Variants in CHRM2 observed in about 807,000 individuals in gnomAD.
CHRM2 encodes muscarinic acetylcholine receptor M2.
A neutral mutation model predicts 25.0 loss-of-function variants in CHRM2; 8 were observed. The ratio of observed to expected loss-of-function variants is 0.32; its 90% CI spans 0.19 to 0.58. The LOEUF (loss-of-function observed/expected upper bound fraction) is 0.58. CHRM2 is among the 20% of genes least tolerant of loss of function. CHRM2 has a pLI of 0.88. For missense variants in CHRM2, 440 were observed against 567.1 expected (o/e 0.78, Z 2.28); for synonymous variants, 202 against 205.7 (o/e 0.98, Z 0.15).
intron 3 of CHRM2, among the ~76,000 whole-genome samples, chr7:136,994,521 C>CTTTTTTTTTTTTTTTTTTTTTTT (rs757243972): frequency 5.6e-5 from 4 of 71,416 alleles, no homozygotes; most frequent in African/African-American, 1.1e-4. Context: ...TTTTTCTTTT[C>CTTTTTTTTTTTTTTTTTTTTTTT]TTTTTTTTTT....
At chr7:137,001,283 C>T (rs1804018097) in intron 3 of CHRM2, among the ~76,000 whole-genome samples, 1 of 152,070 alleles carries the variant, frequency 6.6e-6, no homozygotes, top group South Asian at 2.1e-4. Flanking sequence ...GCTTTATGCA[C>T]AGTCATTTGT....
rs1186581408 is a variant in CHRM2, at chr7:137,016,930, G to T, written c.*664G>T. 1 of 166,688 alleles carries T rather than the reference G, an allele frequency of 6.0e-6. No individual in the cohort carries two copies. The highest frequency in any genetic ancestry group is 2.1e-4 in the South Asian group (1 of 4,830). The allele number at this position is 166,688 out of a possible 1,614,324, so 10.3% of individuals were successfully genotyped here. On this transcript the variant is annotated 3_prime_UTR_variant, in exon 4 of 4. Transcript: ENST00000680005. Reference sequence around the variant, plus strand: ...TTTCTTCTTGTTATGCCACTATTTTGTACATCCCTGTTCTATATTGTTTAT... The same window carrying T: ...TTTCTTCTTGTTATGCCACTATTTTTTACATCCCTGTTCTATATTGTTTAT...
At chr7:136,988,188 C>T (rs1270690218) in intron 2 of CHRM2, among the ~76,000 whole-genome samples, 2 of 151,162 alleles carry the variant, frequency 1.3e-5, no homozygotes, top group Non-Finnish European at 2.9e-5. Flanking sequence ...AGATACAGAT[C>T]ATAATTAGTC....
rs1268920919 is a variant in CHRM2 at position 137,016,167 on chromosome 7, T to C, written c.1302T>C (p.Thr434=). The C allele has an allele frequency of 6.2e-7, 1 of 1,612,984 alleles. No individual in the cohort carries two copies. The change falls in exon 4 of 4, where the codon ACT becomes ACC. Residue 434 remains threonine, a synonymous_variant. Coordinates refer to ENST00000680005, the MANE Select transcript of CHRM2 (RefSeq NM_001006630.2). Reference sequence around the variant, plus strand: ...ACTGGCTTTGTTACATCAACAGCACTATCAACCCTGCCTGCTATGCACTTT... The same window carrying C: ...ACTGGCTTTGTTACATCAACAGCACCATCAACCCTGCCTGCTATGCACTTT... ...IGYWLCYINS[T]INPACYALCN... is the part of the protein sequence containing the mutation.
rs548755334 is a variant in CHRM2, at chr7:136,979,535, A to G, written c.-124-12652A>G. Among the ~76,000 whole-genome samples the G allele has an allele frequency of 2.0e-5, 3 of 152,244 alleles. No individual in the cohort carries two copies. In the South Asian group the frequency reaches 6.2e-4, roughly 32 times the overall value. On this transcript the variant is annotated intron_variant, in intron 2 of 3. Transcript: ENST00000680005. ...AGCCTTTCCCCAGGCCTATATCCGTAATGGTATTGCCTAGGTTTTCTTCTA... is the reference window on the plus strand; with the variant it reads ...AGCCTTTCCCCAGGCCTATATCCGTGATGGTATTGCCTAGGTTTTCTTCTA...
At chr7:136,871,731 G>A (rs955593345) in intron 2 of CHRM2, 2 of 152,204 alleles carry the variant, frequency 1.3e-5, no homozygotes, top group Admixed American at 1.3e-4. Flanking sequence ...AAGAACAATT[G>A]ACTTGGCCAA....
intron 2 of CHRM2, among the ~76,000 whole-genome samples, chr7:136,991,295 C>T (rs550367601): frequency 1.2e-3 from 184 of 152,152 alleles, no homozygotes; most frequent in African/African-American, 3.8e-3. Context: ...CCACTTTGAG[C>T]TAATTTTTGT....
chr7:136,945,938 A>C (rs1800048249), intron 2 of CHRM2, among the ~76,000 whole-genome samples: 2 of 152,138 alleles, frequency 1.3e-5, no homozygotes, highest in African/African-American at 4.8e-5. Flanking sequence ...TTAGTGGAGA[A>C]GCAAATTCTA....
At chr7:136,972,643 T>C (rs112327079) in intron 2 of CHRM2, among the ~76,000 whole-genome samples, 3,956 of 152,314 alleles carry the variant, frequency 0.026, 188 homozygotes, top group African/African-American at 0.091. Context: ...TTGTGACCAA[T>C]GTCTGCATTG....
chr7:136,950,664 G>C (rs933379280), intron 2 of CHRM2, among the ~76,000 whole-genome samples: 2 of 152,084 alleles, frequency 1.3e-5, no homozygotes, highest in African/African-American at 4.8e-5. Context: ...AACAAAAAAA[G>C]AAAAAGAAAA....
intron 2 of CHRM2, among the ~76,000 whole-genome samples, chr7:136,946,307 ATTAT>A (rs1462044587): frequency 1.3e-5 from 2 of 152,168 alleles, no homozygotes; most frequent in African/African-American, 4.8e-5. Context: ...ATTATATTAA[ATTAT>A]TTGTGTATTA....
chr7:136,897,456 C>T (rs1796966111), intron 2 of CHRM2, among the ~76,000 whole-genome samples: 1 of 152,012 alleles, frequency 6.6e-6, no homozygotes, highest in African/African-American at 2.4e-5. Context: ...CATGCTGTAT[C>T]CTTTTGGAAG....
At chr7:136,894,364 C>G (rs1389863524) in intron 2 of CHRM2, among the ~76,000 whole-genome samples, 2 of 152,016 alleles carry the variant, frequency 1.3e-5, no homozygotes, top group Non-Finnish European at 1.5e-5. Context: ...TTCTAGAATG[C>G]TAGATCTATT....
At chr7:136,890,171 T>C (rs1272796626) in intron 2 of CHRM2, among the ~76,000 whole-genome samples, 1 of 152,180 alleles carries the variant, frequency 6.6e-6, no homozygotes, top group Non-Finnish European at 1.5e-5. Context: ...AGTTAAGAAA[T>C]GTCTAGTAGT....
At chr7:136,954,076 G>C (rs149529200) in intron 2 of CHRM2, among the ~76,000 whole-genome samples, 1 of 152,114 alleles carries the variant, frequency 6.6e-6, no homozygotes, top group African/African-American at 2.4e-5. Flanking sequence ...AGAACTTTGT[G>C]TTCTTCCTTT....
At chr7:136,878,171 G>C (rs1294962654) in intron 2 of CHRM2, among the ~76,000 whole-genome samples, 3 of 151,952 alleles carry the variant, frequency 2.0e-5, no homozygotes, top group Non-Finnish European at 4.4e-5. Context: ...GTGTTCTTTG[G>C]AGAGCATCAG....
chr7:136,883,915 C>T (rs934281903), intron 2 of CHRM2, among the ~76,000 whole-genome samples: 3 of 152,122 alleles, frequency 2.0e-5, no homozygotes, highest in Non-Finnish European at 4.4e-5. Flanking sequence ...CAATGAGTTA[C>T]TCTAATCTTG....
At chr7:136,934,295 A>G (rs1336788516) in intron 2 of CHRM2, among the ~76,000 whole-genome samples, 1 of 152,040 alleles carries the variant, frequency 6.6e-6, no homozygotes, top group Non-Finnish European at 1.5e-5. Flanking sequence ...GTGGTAAGTC[A>G]GTCTCTTCCT....
chr7:136,896,902 G>C (rs1304298846), intron 2 of CHRM2, among the ~76,000 whole-genome samples: 1 of 151,932 alleles, frequency 6.6e-6, no homozygotes, highest in Non-Finnish European at 1.5e-5. Flanking sequence ...AGATATGATT[G>C]ATTTGTTTTT....
Sources: allele counts gnomAD v4.1 joint callset (sites outside exome capture counted in the v4.1 genomes callset), GRCh38; gene constraint gnomAD v4.1.1; transcripts MANE v1.5; gene names NCBI Gene and HGNC (gene_info 2026-07-23, HGNC 2026-07-21).